Variants in CDCA7L observed in about 807,000 individuals in gnomAD.
CDCA7L encodes cell division cycle-associated 7-like protein.
A neutral mutation model predicts 57.4 loss-of-function variants in CDCA7L; 44 were observed. That is an observed-to-expected ratio of 0.77 (90% CI 0.60 to 0.98). The LOEUF is 0.98. Among genes scored for constraint, CDCA7L ranks in the 50% least tolerant of loss-of-function variants. CDCA7L has a pLI of 0.00. For missense variants in CDCA7L, 644 were observed against 580.6 expected (o/e 1.11, Z -1.12); for synonymous variants, 236 against 202.8 (o/e 1.16, Z -1.39).
In CDCA7L at chr7:21,905,574, C is replaced by G; in HGVS notation, c.979G>C (p.Asp327His). 6.2e-7 allele frequency: 1 copy of G among 1,614,024 alleles called. No individual in the cohort carries two copies. The highest frequency in any genetic ancestry group is 8.5e-7 in the Non-Finnish European group (1 of 1,179,950). ...HRISSFRPVE[D>H]ITEEDLENVA... ...TTTTCTAAGTCCTCTTCGGTGATATCCTCCACTGGCCGAAAAGAAGATATA... is the reference window on the plus strand; with the variant it reads ...TTTTCTAAGTCCTCTTCGGTGATATGCTCCACTGGCCGAAAAGAAGATATA... Residue 327 changes from aspartate to histidine, a missense_variant, in exon 7 of 10, where the codon GAT becomes CAT. Coordinates refer to ENST00000406877, the MANE Select transcript of CDCA7L (RefSeq NM_018719.5).
intron 1 of CDCA7L, among the ~76,000 whole-genome samples, chr7:21,943,878 A>T (rs553023138): frequency 3.3e-5 from 5 of 152,336 alleles, no homozygotes; most frequent in African/African-American, 9.6e-5. Context: ...ATTGTGTGGC[A>T]GTAAACGCTC....
chr7:21,928,587 A>C (rs1785897469), intron 1 of CDCA7L, among the ~76,000 whole-genome samples: 1 of 151,982 alleles, frequency 6.6e-6, no homozygotes, highest in Non-Finnish European at 1.5e-5. Context: ...AACGAGAATA[A>C]CCAGGTTAGA....
At chr7:21,904,512 C>T (rs192630202) in intron 7 of CDCA7L, among the ~76,000 whole-genome samples, 11 of 152,304 alleles carry the variant, frequency 7.2e-5, no homozygotes, top group African/African-American at 2.4e-4. Context: ...CGAGCATTAC[C>T]GCCTGAGCTC....
At chr7:21,914,921 G>C (rs1485591982) in intron 2 of CDCA7L, among the ~76,000 whole-genome samples, 3 of 152,152 alleles carry the variant, frequency 2.0e-5, no homozygotes, top group Non-Finnish European at 4.4e-5. Flanking sequence ...TTAATGCCCG[G>C]TGCCTGCCAG....
chr7:21,928,967 T>C (rs1785910247), intron 1 of CDCA7L, among the ~76,000 whole-genome samples: 1 of 151,992 alleles, frequency 6.6e-6, no homozygotes. Flanking sequence ...ACCACAAAGA[T>C]ACTCCTCGAG....
chr7:21,906,430 G>T lies in CDCA7L; in HGVS notation c.780C>A (p.Phe260Leu). The change falls in exon 6 of 10, where the codon TTC (phenylalanine) becomes TTA (leucine). Residue 260 changes from phenylalanine to leucine, a missense_variant. By Grantham distance (22) the Phe-to-Leu change is conservative. Coordinates refer to ENST00000406877, the MANE Select transcript of CDCA7L (RefSeq NM_018719.5). The part of the protein sequence containing the change: ...ASRKKTVRRA[F>L]SEGQITRRMN... ...TACGCCGCGTGATCTGTCCCTCCGA[G>T]AAGGCCCGCCTCACTGTCTTCTTCC... 1 of 1,611,050 alleles carries T rather than the reference G, an allele frequency of 6.2e-7. No individual in the cohort carries two copies. The highest frequency in any genetic ancestry group is 8.5e-7 in the Non-Finnish European group (1 of 1,178,278).
chr7:21,908,122 A>T lies in CDCA7L; in HGVS notation c.681+8T>A. ...CCAACTCCCAGGACGCCCTCCGTGAAGCCTCACCATGGCTTTGTTCTCCTT... is the reference window on the plus strand; with the variant it reads ...CCAACTCCCAGGACGCCCTCCGTGATGCCTCACCATGGCTTTGTTCTCCTT... On this transcript the variant is annotated splice_region_variant and intron_variant, in intron 4 of 9. Transcript: ENST00000406877. 6.6e-7 allele frequency: 1 copy of T among 1,514,950 alleles called. No individual in the cohort carries two copies. The allele number at this position is 1,514,950 out of a possible 1,614,324, so 93.8% of individuals were successfully genotyped here.
intron 1 of CDCA7L, among the ~76,000 whole-genome samples, chr7:21,939,303 G>A (rs1786270134): frequency 6.6e-6 from 1 of 152,148 alleles, no homozygotes; most frequent in African/African-American, 2.4e-5. Context: ...ACTATACTTA[G>A]TAACACTGAA....
chr7:21,930,411 G>C (rs1583870465), intron 1 of CDCA7L, among the ~76,000 whole-genome samples: 1 of 151,990 alleles, frequency 6.6e-6, no homozygotes, highest in East Asian at 1.9e-4. Flanking sequence ...AAGAACTAGA[G>C]AGTGGCCGGG....
intron 2 of CDCA7L, among the ~76,000 whole-genome samples, chr7:21,913,433 G>A (rs1210219803): frequency 6.6e-6 from 1 of 152,176 alleles, no homozygotes; most frequent in Non-Finnish European, 1.5e-5. Context: ...CTGTGTGCAA[G>A]TTCATGCAGC....
In CDCA7L at chr7:21,902,051, A is replaced by AACTGTGCTTTTTAATAACCCATTTC; in HGVS notation, c.*270_*271insGAAATGGGTTATTAAAAAGCACAGT. 1 of 469,876 alleles carries AACTGTGCTTTTTAATAACCCATTTC rather than the reference A, an allele frequency of 2.1e-6. No homozygotes were observed. The allele number at this position is 469,876 out of a possible 1,614,324, so 29.1% of individuals were successfully genotyped here. A position where few individuals can be genotyped will look rare whatever the true frequency, so the allele number is the denominator to read the frequency against. ...CCTGAACTTTAACCCCACCCCATTTAAACTGTGCTTTTTAATAACTGGCAG... is the reference window on the plus strand; with the variant it reads ...CCTGAACTTTAACCCCACCCCATTTAACTGTGCTTTTTAATAACCCATTTCAACTGTGCTTTTTAATAACTGGCAG... On this transcript the variant is annotated 3_prime_UTR_variant, in exon 10 of 10. Coordinates refer to ENST00000406877, the MANE Select transcript of CDCA7L (RefSeq NM_018719.5).
intron 1 of CDCA7L, among the ~76,000 whole-genome samples, chr7:21,940,906 C>T (rs985123537): frequency 3.3e-5 from 5 of 152,214 alleles, no homozygotes; most frequent in African/African-American, 9.6e-5. Flanking sequence ...TCCACTTTCC[C>T]CCCAACTAGA....
intron 1 of CDCA7L, among the ~76,000 whole-genome samples, chr7:21,926,702 C>CA (rs11427172): frequency 0.61 from 90,437 of 149,156 alleles, 28,802 homozygotes; most frequent in Non-Finnish European, 0.73. Context: ...GACCCCATCT[C>CA]AAAAAAAAAA....
chr7:21,914,305 C>G (rs1382668381), intron 2 of CDCA7L, among the ~76,000 whole-genome samples: 1 of 152,168 alleles, frequency 6.6e-6, no homozygotes, highest in East Asian at 1.9e-4. Context: ...GACGAAAAGT[C>G]AGAGCCAGGG....
intron 1 of CDCA7L, among the ~76,000 whole-genome samples, chr7:21,929,707 G>A (rs7783537): frequency 0.34 from 47,131 of 140,124 alleles, 8,776 homozygotes; most frequent in African/African-American, 0.54. Context: ...AACCAATGAA[G>A]ATCAAAACAG....
At chr7:21,906,137 G>A (rs764460541) in intron 6 of CDCA7L, 152 bp downstream of exon 6, 70 of 697,544 alleles carry the variant, frequency 1.0e-4, no homozygotes, top group Non-Finnish European at 1.6e-4. Context: ...CAGGAGCAAT[G>A]GCATCACCTG....
intron 3 of CDCA7L, among the ~76,000 whole-genome samples, chr7:21,910,473 A>G (rs1212851783): frequency 6.6e-6 from 1 of 152,216 alleles, no homozygotes; most frequent in Non-Finnish European, 1.5e-5. Context: ...ATGGCAGGCT[A>G]GGAGTCACGG....
chr7:21,912,999 TAG>T (rs1785379943), intron 2 of CDCA7L, among the ~76,000 whole-genome samples: 1 of 152,026 alleles, frequency 6.6e-6, no homozygotes, highest in Non-Finnish European at 1.5e-5. Flanking sequence ...TCATCAAGAC[TAG>T]AGTCTGTCCC....
At chr7:21,928,299 G>A (rs941890240) in intron 1 of CDCA7L, among the ~76,000 whole-genome samples, 37 of 152,060 alleles carry the variant, frequency 2.4e-4, no homozygotes, top group African/African-American at 8.7e-4. Context: ...CCCATCCGAA[G>A]GTCACCAACA....
Sources: allele counts gnomAD v4.1 joint callset (sites outside exome capture counted in the v4.1 genomes callset), GRCh38; gene constraint gnomAD v4.1.1; transcripts MANE v1.5; gene names NCBI Gene and HGNC (gene_info 2026-07-23, HGNC 2026-07-21).